Variants in SYNJ2BP observed in about 807,000 individuals in gnomAD.
The protein encoded by SYNJ2BP is synaptojanin-2-binding protein.
A neutral mutation model predicts 16.9 loss-of-function variants in SYNJ2BP; 10 were observed. The observed-to-expected ratio is 0.59, with a 90% confidence interval of 0.36 to 1.00. The LOEUF (loss-of-function observed/expected upper bound fraction) is 1.00. Ranked by LOEUF, SYNJ2BP falls within the 50% of genes least tolerant of loss-of-function variation. SYNJ2BP has a pLI of 0.01. For synonymous variants in SYNJ2BP, 54 were observed against 68.4 expected, an observed-to-expected ratio of 0.79 and a Z score of 1.04; for missense variants, 162 against 186.7, an observed-to-expected ratio of 0.87 and a Z score of 0.77.
intron 3 of SYNJ2BP, 68 bp downstream of exon 3, chr14:70,375,608 C>A (rs981391193): frequency 4.5e-6 from 7 of 1,555,818 alleles, no homozygotes; most frequent in Non-Finnish European, 6.1e-6. Flanking sequence ...AGATTACACA[C>A]ATTGGGCTTA....
chr14:70,388,157 G>A lies in SYNJ2BP; in HGVS notation c.201+313C>T, dbSNP rs985815527. On this transcript the variant is annotated intron_variant, in intron 2 of 3. Transcript: ENST00000256366. ...AACAAAAGGAGGTGATAAAGTAATG[G>A]ATGAAAGACAAAATTTGTGGATTTT... Among the ~76,000 whole-genome samples the A allele has an allele frequency of 7.9e-5, 12 of 152,176 alleles. 1 individual carries two copies. Among genetic ancestry groups the A allele is most frequent in the Non-Finnish European group, 1.8e-4 (12 of 68,034 alleles).
chr14:70,380,661 C>CAAAA (rs11453577), intron 2 of SYNJ2BP, among the ~76,000 whole-genome samples: 2 of 141,014 alleles, frequency 1.4e-5, no homozygotes, highest in Non-Finnish European at 1.5e-5. Context: ...GACTCTGTCT[C>CAAAA]AAAAAAAAAA....
rs1425618561 is a variant in SYNJ2BP, at chr14:70,375,644, GT to G, written c.297+31del. ...TTCAGAAGTACAGTGCAAAAGCCTG[GT>G]GCCAGGTTTCTGGCTCAAAGTGATA... On this transcript the variant is annotated intron_variant, in intron 3 of 3. Coordinates refer to ENST00000256366, the MANE Select transcript of SYNJ2BP (RefSeq NM_018373.3). 2.5e-6 allele frequency: 4 copies of G among 1,600,752 alleles called. No individual in the cohort carries two copies. In the African/African-American group the frequency reaches 5.4e-5, roughly 22 times the overall value.
chr14:70,389,329 G>A (rs1887929184), intron 1 of SYNJ2BP, among the ~76,000 whole-genome samples: 1 of 149,946 alleles, frequency 6.7e-6, no homozygotes, highest in East Asian at 2.0e-4. Context: ...AGCTTCTGGA[G>A]AATTTATGTA....
Position 70,371,540 on chromosome 14 carries a change from T to G in SYNJ2BP, c.*1451A>C, listed in dbSNP as rs1887518483. 1 of 152,290 alleles carries G rather than the reference T, an allele frequency of 6.6e-6. No homozygotes were observed. Among genetic ancestry groups the G allele is most frequent in the Non-Finnish European group, 1.5e-5 (1 of 68,120 alleles). The allele number at this position is 152,290 out of a possible 1,614,324, so 9.4% of individuals were successfully genotyped here. On this transcript the variant is annotated 3_prime_UTR_variant, in exon 4 of 4. Transcript: ENST00000256366. ...TTCAAACAGTTCTCCTGCCTCAGCC[T>G]CCTGAGTAGCTGGAATTACAGGAAC...
chr14:70,390,776 A>G (rs1011206842), intron 1 of SYNJ2BP, among the ~76,000 whole-genome samples: 6 of 152,218 alleles, frequency 3.9e-5, no homozygotes, highest in Admixed American at 3.9e-4. Context: ...GCACTAGCAA[A>G]TCAATTTGTA....
chr14:70,406,153 A>G (rs1420609435), intron 1 of SYNJ2BP, among the ~76,000 whole-genome samples: 3 of 152,238 alleles, frequency 2.0e-5, no homozygotes, highest in Non-Finnish European at 4.4e-5. Context: ...GTCAGGCATA[A>G]GCAGGGCAGG....
At chr14:70,385,765 C>T (rs1887846966) in intron 2 of SYNJ2BP, among the ~76,000 whole-genome samples, 1 of 152,120 alleles carries the variant, frequency 6.6e-6, no homozygotes, top group South Asian at 2.1e-4. Flanking sequence ...CTAATCCTAG[C>T]TCCTCATTTA....
chr14:70,393,155 GAACA>G (rs1439182400), intron 1 of SYNJ2BP, among the ~76,000 whole-genome samples: 1 of 152,184 alleles, frequency 6.6e-6, no homozygotes, highest in African/African-American at 2.4e-5. Flanking sequence ...CAAAGGATAT[GAACA>G]GACACTTCTC....
At chr14:70,389,049 A>G (rs1887923478) in intron 1 of SYNJ2BP, among the ~76,000 whole-genome samples, 1 of 151,276 alleles carries the variant, frequency 6.6e-6, no homozygotes, top group Admixed American at 6.6e-5. Flanking sequence ...TCAAGCAATC[A>G]CTATTGCCTT....
chr14:70,390,654 CA>C (rs1471196545), intron 1 of SYNJ2BP, among the ~76,000 whole-genome samples: 1 of 149,306 alleles, frequency 6.7e-6, no homozygotes, highest in Admixed American at 6.7e-5. Flanking sequence ...GGCGACAGAG[CA>C]AGACTCCATC....
intron 1 of SYNJ2BP, among the ~76,000 whole-genome samples, chr14:70,414,823 T>C (rs535412930): frequency 6.6e-6 from 1 of 152,262 alleles, no homozygotes; most frequent in East Asian, 1.9e-4. Context: ...TTTTAATTGG[T>C]CCTAAGAGAA....
intron 1 of SYNJ2BP, among the ~76,000 whole-genome samples, chr14:70,406,160 C>T (rs554767787): frequency 6.6e-6 from 1 of 152,268 alleles, no homozygotes; most frequent in African/African-American, 2.4e-5. Context: ...ATAAGCAGGG[C>T]AGGAGGGGGC....
In SYNJ2BP at chr14:70,372,702, A is replaced by G. The variant is rs1887542512; in HGVS notation, c.*289T>C. Reference sequence around the variant, plus strand: ...ATTGCCTATGGTGACAGGAAGACTCAATCTTTCTCTCTTTGGGTTGTAGCT... The same window carrying G: ...ATTGCCTATGGTGACAGGAAGACTCGATCTTTCTCTCTTTGGGTTGTAGCT... On this transcript the variant is annotated 3_prime_UTR_variant, in exon 4 of 4. Transcript: ENST00000256366. 7.0e-6 allele frequency: 2 copies of G among 284,544 alleles called. No individual in the cohort carries two copies. The highest frequency in any genetic ancestry group is 1.3e-5 in the Non-Finnish European group (2 of 154,774). 17.6% of individuals were successfully genotyped at this position (284,544 alleles called of 1,614,324 possible).
At chr14:70,408,865 G>A (rs1361277872) in intron 1 of SYNJ2BP, among the ~76,000 whole-genome samples, 3 of 151,942 alleles carry the variant, frequency 2.0e-5, no homozygotes, top group South Asian at 2.1e-4. Flanking sequence ...ACTGAGTCTC[G>A]CTGTATCGCC....
rs966149929 is a variant in SYNJ2BP at position 70,371,251 on chromosome 14, C to T, written c.*1740G>A. On this transcript the variant is annotated 3_prime_UTR_variant, in exon 4 of 4. Transcript: ENST00000256366. ...CACCTTATCGAGATCACTGGCATTC[C>T]ATAGTATCCATTCATTCATATCCTC... 3.3e-5 allele frequency: 5 copies of T among 152,158 alleles called. No homozygotes were observed. Among genetic ancestry groups the T allele is most frequent in the African/African-American group, 1.2e-4 (5 of 41,426 alleles). 9.4% of individuals were successfully genotyped at this position (152,158 alleles called of 1,614,324 possible). A position where few individuals can be genotyped will look rare whatever the true frequency, so the allele number is the denominator to read the frequency against.
chr14:70,380,260 C>T (rs1007608287), intron 2 of SYNJ2BP, among the ~76,000 whole-genome samples: 5 of 152,124 alleles, frequency 3.3e-5, no homozygotes, highest in African/African-American at 1.2e-4. Context: ...ACATGGCAAG[C>T]AAGGATTTTA....
chr14:70,416,354 G>C (rs1197949298), intron 1 of SYNJ2BP, among the ~76,000 whole-genome samples: 1 of 137,806 alleles, frequency 7.3e-6, no homozygotes, highest in African/African-American at 2.7e-5. Flanking sequence ...GGGTAATTTT[G>C]TGGCGGAACC....
rs548540593 is a variant in SYNJ2BP, at chr14:70,369,358, G to A, written c.*3633C>T. On this transcript the variant is annotated 3_prime_UTR_variant, in exon 4 of 4. Transcript: ENST00000256366. ...GACCCACCTGCCTAGGCCTCCTAGA[G>A]TGCTGGGATTACAGGCATGAGCCAC... 3.7e-4 allele frequency: 57 copies of A among 152,338 alleles called. No individual in the cohort carries two copies. The highest frequency in any genetic ancestry group is 1.4e-3 in the African/African-American group (57 of 41,562). 9.4% of individuals were successfully genotyped at this position (152,338 alleles called of 1,614,324 possible).
Sources: gnomAD v4.1 joint callset for allele counts (sites outside exome capture counted in the v4.1 genomes callset) on GRCh38, gnomAD v4.1.1 for gene constraint, MANE v1.5 for transcripts, NCBI Gene and HGNC (gene_info 2026-07-23, HGNC 2026-07-21) for gene names.